WDR72: variants seen among roughly 807,000 people sequenced by gnomAD.
WDR72 encodes the protein WD repeat domain 72, also known as WD repeat-containing protein 72.
WDR72 carries 120 observed loss-of-function variants against 124.2 expected under a neutral mutation model. The observed-to-expected ratio is 0.97, with a 90% CI of 0.83 to 1.12. The LOEUF (loss-of-function observed/expected upper bound fraction) is 1.12. WDR72 is among the 50% of genes most tolerant of loss of function. The probability of loss-of-function intolerance (pLI) is 0.00; values close to 1 mark genes in which losing one functional copy is unlikely to be tolerated. For synonymous variants in WDR72, 452 were observed against 441.7 expected, an observed-to-expected ratio of 1.02 and a Z score of -0.29; for missense variants, 1,387 against 1,278.8, an observed-to-expected ratio of 1.08 and a Z score of -1.29.
In WDR72 at chr15:53,692,604, G is replaced by A. The variant is rs181078234; in HGVS notation, c.1765+7146C>T. 1.3e-4 allele frequency among the ~76,000 whole-genome samples: 20 copies of A among 152,204 alleles called. 1 individual carries two copies. The South Asian group carries it at 2.9e-3, about 22-fold the overall frequency. On this transcript the variant is annotated intron_variant, in intron 13 of 19. Coordinates refer to ENST00000360509, the MANE Select transcript of WDR72 (RefSeq NM_182758.4). ...GTACATAACTCCTCTGGACATTGTCGCCTACTTAAGAGATCAAATTTTGAC... is the reference window on the plus strand; with the variant it reads ...GTACATAACTCCTCTGGACATTGTCACCTACTTAAGAGATCAAATTTTGAC...
At chr15:53,567,757 A>T (rs1894353200) in intron 18 of WDR72, among the ~76,000 whole-genome samples, 1 of 151,930 alleles carries the variant, frequency 6.6e-6, no homozygotes, top group African/African-American at 2.4e-5. Flanking sequence ...ATAAAATGGT[A>T]ACGTTACTAA....
At chr15:53,593,327 G>A (rs1289341710) in intron 18 of WDR72, among the ~76,000 whole-genome samples, 2 of 152,040 alleles carry the variant, frequency 1.3e-5, no homozygotes. Flanking sequence ...TATGGAAAAC[G>A]TAGCTTACTG....
chr15:53,695,853 G>C (rs1170020486), intron 13 of WDR72, among the ~76,000 whole-genome samples: 1 of 152,168 alleles, frequency 6.6e-6, no homozygotes, highest in Non-Finnish European at 1.5e-5. Context: ...AGTAAAGTGA[G>C]AATAGGCTCT....
At chr15:53,551,987 G>A (rs922654292) in intron 18 of WDR72, among the ~76,000 whole-genome samples, 1 of 152,070 alleles carries the variant, frequency 6.6e-6, no homozygotes, top group African/African-American at 2.4e-5. Context: ...GGAAAGGGAG[G>A]AATTGAAGTG....
chr15:53,520,095 C>T (rs1891703048), intron 19 of WDR72, among the ~76,000 whole-genome samples: 1 of 149,740 alleles, frequency 6.7e-6, no homozygotes, highest in Admixed American at 6.7e-5. Flanking sequence ...TTGCTTTCTG[C>T]CTATGAAAAT....
At chr15:53,740,946 C>T (rs930577515) in intron 1 of WDR72, among the ~76,000 whole-genome samples, 1 of 152,284 alleles carries the variant, frequency 6.6e-6, no homozygotes, top group African/African-American at 2.4e-5. Context: ...ATACTAATAA[C>T]TTACTACTAT....
chr15:53,618,059 A>C (rs1216767081), intron 14 of WDR72, among the ~76,000 whole-genome samples: 1 of 151,956 alleles, frequency 6.6e-6, no homozygotes, highest in African/African-American at 2.4e-5. Flanking sequence ...TATACATTTC[A>C]TGGTAAATAA....
At chr15:53,712,701 C>T in intron 7 of WDR72, 71 bp downstream of exon 7, 1 of 1,397,826 alleles carries the variant, frequency 7.2e-7, no homozygotes, top group Non-Finnish European at 1.0e-6. Flanking sequence ...AAATCATATT[C>T]TTATTTTTGT....
At chr15:53,733,611 A>G (rs2018267664) in intron 1 of WDR72, among the ~76,000 whole-genome samples, 1 of 152,228 alleles carries the variant, frequency 6.6e-6, no homozygotes, top group African/African-American at 2.4e-5. Flanking sequence ...GCTATTAAAA[A>G]AATAAATCTT....
intron 18 of WDR72, among the ~76,000 whole-genome samples, chr15:53,553,972 A>C (rs569250305): frequency 1.3e-5 from 2 of 152,300 alleles, no homozygotes; most frequent in South Asian, 4.1e-4. Context: ...AGCTGTTACA[A>C]AGTAAACTTG....
At chr15:53,729,481 C>T (rs958608745) in intron 2 of WDR72, among the ~76,000 whole-genome samples, 2 of 34,086 alleles carry the variant, frequency 5.9e-5, no homozygotes, top group Non-Finnish European at 1.8e-4. Flanking sequence ...TTAGCTCTAT[C>T]TAGTGAAAAA....
At chr15:53,528,472 T>G (rs941827815) in intron 18 of WDR72, among the ~76,000 whole-genome samples, 1 of 152,088 alleles carries the variant, frequency 6.6e-6, no homozygotes, top group Non-Finnish European at 1.5e-5. Context: ...AAGGTTAGAC[T>G]TATGTGTTTT....
intron 14 of WDR72, among the ~76,000 whole-genome samples, chr15:53,657,333 G>A (rs1307002180): frequency 7.0e-6 from 1 of 142,574 alleles, no homozygotes; most frequent in African/African-American, 2.6e-5. Flanking sequence ...GTCTAAATAA[G>A]CTAAATAGTT....
chr15:53,520,590 C>G (rs984855810), intron 19 of WDR72, among the ~76,000 whole-genome samples: 1 of 152,008 alleles, frequency 6.6e-6, no homozygotes. Flanking sequence ...CCAAATCTCA[C>G]CACCTAAAAA....
chr15:53,645,418 CTTT>C (rs1262365926), intron 14 of WDR72, among the ~76,000 whole-genome samples: 1 of 152,088 alleles, frequency 6.6e-6, no homozygotes. Context: ...CTGCTCATTT[CTTT>C]TTTAATTATA....
At chr15:53,756,345 A>G (rs1241078316) in intron 1 of WDR72, among the ~76,000 whole-genome samples, 5 of 152,228 alleles carry the variant, frequency 3.3e-5, no homozygotes, top group African/African-American at 1.2e-4. Context: ...CTCCCCAGCC[A>G]CGTGGAAATG....
intron 1 of WDR72, among the ~76,000 whole-genome samples, chr15:53,735,779 T>C (rs1222037626): frequency 1.3e-5 from 2 of 151,834 alleles, no homozygotes; most frequent in Non-Finnish European, 1.5e-5. Flanking sequence ...TAATAATAAG[T>C]GAACAATCTA....
intron 14 of WDR72, among the ~76,000 whole-genome samples, chr15:53,638,992 G>C (rs1368182098): frequency 1.3e-5 from 2 of 149,834 alleles, no homozygotes; most frequent in African/African-American, 4.9e-5. Flanking sequence ...AAGAAAAAAA[G>C]AAAAAAAAAG....
chr15:53,757,661 AAAG>A (rs993549874), intron 1 of WDR72, among the ~76,000 whole-genome samples: 99 of 152,070 alleles, frequency 6.5e-4, no homozygotes, highest in African/African-American at 2.3e-3. Flanking sequence ...AAATTAAAAA[AAAG>A]AATTATTCAT....
Sources: allele counts gnomAD v4.1 joint callset (sites outside exome capture counted in the v4.1 genomes callset), GRCh38; gene constraint gnomAD v4.1.1; transcripts MANE v1.5; gene names NCBI Gene and HGNC (gene_info 2026-07-23, HGNC 2026-07-21).